The following RAP1GDS1 variants were observed in gnomAD, a reference collection of about 807,000 sequenced individuals.
RAP1GDS1 encodes the protein Rap1 GTPase-GDP dissociation stimulator 1, also known as RAP1, GTP-GDP dissociation stimulator 1.
Under a neutral mutation model 71.1 loss-of-function variants are expected in RAP1GDS1, and 35 were observed. The ratio of observed to expected loss-of-function variants is 0.49; its 90% CI spans 0.38 to 0.65. The LOEUF (loss-of-function observed/expected upper bound fraction) is 0.65. RAP1GDS1 is among the 30% of genes least tolerant of loss of function. The probability of loss-of-function intolerance (pLI) is 0.00; values close to 1 mark genes in which losing one functional copy is unlikely to be tolerated. For missense variants in RAP1GDS1, 663 were observed against 706.1 expected (o/e 0.94, Z 0.69); for synonymous variants, 229 against 243.1 (o/e 0.94, Z 0.54).
At chr4:98,375,159 G>C (rs1740982426) in intron 4 of RAP1GDS1, among the ~76,000 whole-genome samples, 1 of 152,054 alleles carries the variant, frequency 6.6e-6, no homozygotes, top group African/African-American at 2.4e-5. Context: ...AAACCTGTAG[G>C]GGAGGAGGAC....
intron 4 of RAP1GDS1, among the ~76,000 whole-genome samples, chr4:98,360,390 T>A (rs1738559256): frequency 6.9e-6 from 1 of 143,940 alleles, no homozygotes; most frequent in South Asian, 2.4e-4. Context: ...GAAGTCTGAA[T>A]GGCTTTAGAA....
intron 1 of RAP1GDS1, among the ~76,000 whole-genome samples, chr4:98,277,115 G>A (rs546866395): frequency 5.7e-4 from 86 of 151,972 alleles, no homozygotes; most frequent in Non-Finnish European, 1.1e-3. Flanking sequence ...AAAAGCAAGC[G>A]CACACATACA....
intron 13 of RAP1GDS1, among the ~76,000 whole-genome samples, chr4:98,436,079 A>ATAT (rs1257962402): frequency 7.0e-6 from 1 of 143,102 alleles, no homozygotes; most frequent in African/African-American, 2.6e-5. Context: ...TCAAAAAAAA[A>ATAT]ATATATATAT....
intron 1 of RAP1GDS1, among the ~76,000 whole-genome samples, chr4:98,282,466 C>A (rs1036923169): frequency 1.3e-5 from 2 of 151,958 alleles, no homozygotes; most frequent in East Asian, 1.9e-4. Flanking sequence ...TCCTCTTTAT[C>A]ATTTTTTAAT....
In RAP1GDS1 at chr4:98,442,996, T is replaced by A; in HGVS notation, c.*879T>A. ...TGTTTTCAACTGAGGAAATTGAGTATAGTTCATTGAAGAATGGAATTTTTT... is the reference window on the plus strand; with the variant it reads ...TGTTTTCAACTGAGGAAATTGAGTAAAGTTCATTGAAGAATGGAATTTTTT... On this transcript the variant is annotated 3_prime_UTR_variant, in exon 15 of 15. Coordinates refer to ENST00000408927, the MANE Select transcript of RAP1GDS1 (RefSeq NM_001100427.2). 8.8e-6 allele frequency: 2 copies of A among 228,254 alleles called. No homozygotes were observed. The highest frequency in any genetic ancestry group is 1.7e-5 in the Non-Finnish European group (2 of 115,924). 14.1% of individuals were successfully genotyped at this position (228,254 alleles called of 1,614,324 possible).
intron 4 of RAP1GDS1, among the ~76,000 whole-genome samples, chr4:98,369,558 G>A (rs974345654): frequency 6.6e-6 from 1 of 152,284 alleles, no homozygotes; most frequent in South Asian, 2.1e-4. Flanking sequence ...TATACATGAT[G>A]ACATGGATGA....
intron 2 of RAP1GDS1, among the ~76,000 whole-genome samples, chr4:98,295,492 G>A (rs1328130314): frequency 6.6e-6 from 1 of 152,060 alleles, no homozygotes; most frequent in African/African-American, 2.4e-5. Flanking sequence ...TGTATGTTTA[G>A]CACTGGGCTG....
intron 4 of RAP1GDS1, among the ~76,000 whole-genome samples, chr4:98,354,012 T>C (rs1427075956): frequency 6.6e-6 from 1 of 152,048 alleles, no homozygotes. Context: ...TTATTCTTAC[T>C]TTTCTGTGTT....
intron 3 of RAP1GDS1, among the ~76,000 whole-genome samples, chr4:98,347,973 A>G (rs1736546645): frequency 6.6e-6 from 1 of 151,924 alleles, no homozygotes; most frequent in Non-Finnish European, 1.5e-5. Context: ...ATTCTTTTTT[A>G]TTATTATTAT....
chr4:98,293,357 C>A, intron 1 of RAP1GDS1, 51 bp from the exon 2 acceptor site: 2 of 1,220,920 alleles, frequency 1.6e-6, no homozygotes, highest in Non-Finnish European at 2.3e-6. Flanking sequence ...TGTCATGTAA[C>A]ATATGGTGGT....
intron 5 of RAP1GDS1, among the ~76,000 whole-genome samples, chr4:98,386,625 T>G (rs1360345481): frequency 6.6e-6 from 1 of 151,692 alleles, no homozygotes; most frequent in African/African-American, 2.4e-5. Context: ...ATAATGGGGC[T>G]TAAAGCGACA....
chr4:98,334,882 A>G (rs1330031683), intron 2 of RAP1GDS1, among the ~76,000 whole-genome samples: 1 of 149,604 alleles, frequency 6.7e-6, no homozygotes, highest in Admixed American at 6.7e-5. Context: ...GTTTTATATC[A>G]ACACCAGTAG....
At chr4:98,265,404 A>C (rs1037584945) in intron 1 of RAP1GDS1, among the ~76,000 whole-genome samples, 1 of 152,222 alleles carries the variant, frequency 6.6e-6, no homozygotes, top group Admixed American at 6.5e-5. Context: ...CTGCTCCTTG[A>C]TAACAAGGAC....
chr4:98,331,194 G>T (rs1733956924), intron 2 of RAP1GDS1, among the ~76,000 whole-genome samples: 1 of 152,200 alleles, frequency 6.6e-6, no homozygotes, highest in African/African-American at 2.4e-5. Flanking sequence ...CACTCGGCAG[G>T]CTGAGGCAGG....
chr4:98,314,295 C>T (rs1730652614), intron 2 of RAP1GDS1, among the ~76,000 whole-genome samples: 2 of 152,148 alleles, frequency 1.3e-5, no homozygotes, highest in Admixed American at 1.3e-4. Context: ...AAAGTTTAGT[C>T]TCTGCATGAG....
chr4:98,420,334 TATTATTTA>T (rs1748643094), intron 11 of RAP1GDS1, among the ~76,000 whole-genome samples, 190 bp downstream of exon 11: 1 of 149,820 alleles, frequency 6.7e-6, no homozygotes, highest in Non-Finnish European at 1.5e-5. Flanking sequence ...TATTTATACA[TATTATTTA>T]TTTATTTATT....
chr4:98,361,187 A>G (rs952899551), intron 4 of RAP1GDS1, among the ~76,000 whole-genome samples: 1 of 151,906 alleles, frequency 6.6e-6, no homozygotes, highest in Non-Finnish European at 1.5e-5. Flanking sequence ...CTAAATAACT[A>G]TATATGCATT....
chr4:98,324,289 G>A (rs545366839), intron 2 of RAP1GDS1, among the ~76,000 whole-genome samples: 2 of 151,572 alleles, frequency 1.3e-5, no homozygotes, highest in African/African-American at 4.8e-5. Context: ...ACAAATGGAA[G>A]AACATTCCAT....
At chr4:98,375,366 G>A (rs1741022101) in intron 4 of RAP1GDS1, among the ~76,000 whole-genome samples, 1 of 152,110 alleles carries the variant, frequency 6.6e-6, no homozygotes, top group Non-Finnish European at 1.5e-5. Flanking sequence ...TATCTACAAT[G>A]ACCCTGTGTC....
Sources: allele counts gnomAD v4.1 joint callset (sites outside exome capture counted in the v4.1 genomes callset), GRCh38; gene constraint gnomAD v4.1.1; transcripts MANE v1.5; gene names NCBI Gene and HGNC (gene_info 2026-07-23, HGNC 2026-07-21).